The following RBMS3 variants were observed in gnomAD, a reference collection of about 807,000 sequenced individuals.
RBMS3 encodes the protein RNA-binding motif, single-stranded-interacting protein 3.
RBMS3 carries 27 observed loss-of-function variants against 66.8 expected under a neutral mutation model. The observed-to-expected ratio is 0.40, with a 90% CI of 0.30 to 0.56. The LOEUF is 0.56. Ranked by LOEUF, RBMS3 falls within the 20% of genes least tolerant of loss-of-function variation. The pLI is 0.40. For synonymous variants in RBMS3, 188 were observed against 183.0 expected (o/e 1.03, Z -0.22); for missense variants, 513 against 549.5 (o/e 0.93, Z 0.66).
At chr3:29,865,567 G>T (rs892432814) in intron 6 of RBMS3, among the ~76,000 whole-genome samples, 2 of 152,152 alleles carry the variant, frequency 1.3e-5, no homozygotes, top group Non-Finnish European at 2.9e-5. Context: ...AAGCAAGTTG[G>T]TCTCTTTTTA....
At chr3:29,926,486 A>G (rs920415711) in intron 10 of RBMS3, among the ~76,000 whole-genome samples, 5 of 152,212 alleles carry the variant, frequency 3.3e-5, no homozygotes, top group African/African-American at 7.2e-5. Flanking sequence ...GCCATAAGTA[A>G]GATAACAGGC....
At chr3:29,447,581 A>G (rs1010328139) in intron 2 of RBMS3, among the ~76,000 whole-genome samples, 2 of 152,216 alleles carry the variant, frequency 1.3e-5, no homozygotes, top group Admixed American at 1.3e-4. Flanking sequence ...TTTCTTGAAT[A>G]GTAAAGATAG....
chr3:29,656,274 T>C (rs1452688587), intron 4 of RBMS3, among the ~76,000 whole-genome samples: 3 of 152,232 alleles, frequency 2.0e-5, no homozygotes, highest in African/African-American at 7.2e-5. Flanking sequence ...TCCATTCATG[T>C]ACATCATTTC....
At position 29,625,708 on chromosome 3, in the gene RBMS3, A is replaced by G. The variant is rs62237673; in HGVS notation, c.399+38503A>G. On this transcript the variant is annotated intron_variant, in intron 4 of 14. Transcript: ENST00000383767. ...AGTGAAACGCCATTAAAGTAAATAA[A>G]TAAATAAATAAATAAATAAATAAAT... is the stretch of plus-strand genomic sequence containing the variant. Among the ~76,000 whole-genome samples the G allele has an allele frequency of 8.9e-3, 1,138 of 127,264 alleles. 29 individuals are homozygous for G. Among genetic ancestry groups the G allele is most frequent in the East Asian group, 0.065 (166 of 2,560 alleles). The allele number at this position is 127,264 out of a possible 152,430, so 83.5% of individuals were successfully genotyped here. A position where few individuals can be genotyped will look rare whatever the true frequency, so the allele number is the denominator to read the frequency against.
intron 6 of RBMS3, among the ~76,000 whole-genome samples, chr3:29,859,856 A>G (rs538221706): frequency 2.0e-5 from 3 of 152,178 alleles, no homozygotes; most frequent in Admixed American, 6.5e-5. Flanking sequence ...CTAGAAATAC[A>G]TACATACATA....
chr3:29,386,121 G>A (rs1336124272), intron 1 of RBMS3, among the ~76,000 whole-genome samples: 4 of 151,760 alleles, frequency 2.6e-5, no homozygotes, highest in Non-Finnish European at 4.4e-5. Flanking sequence ...CCTAATTATG[G>A]TATATCCAAT....
At chr3:29,325,830 C>G (rs1268829011) in intron 1 of RBMS3, among the ~76,000 whole-genome samples, 1 of 152,016 alleles carries the variant, frequency 6.6e-6, no homozygotes, top group Admixed American at 6.6e-5. Context: ...CCTAATCTTT[C>G]CTTGTCTTAA....
rs545525212 is a variant in RBMS3, at chr3:29,423,731, G to A, written c.76-11012G>A. ...TTTCAGCATTTGAAATGTAACTAGCGCAACTGAAGAAATACATTTTTAAAT... is the reference window on the plus strand; with the variant it reads ...TTTCAGCATTTGAAATGTAACTAGCACAACTGAAGAAATACATTTTTAAAT... On this transcript the variant is annotated intron_variant, in intron 1 of 14. Transcript: ENST00000383767. Among the ~76,000 whole-genome samples, 7 of 152,218 alleles carry A rather than the reference G, an allele frequency of 4.6e-5. No homozygotes were observed. The East Asian group carries it at 5.8e-4, about 13-fold the overall frequency.
At chr3:29,367,026 A>G (rs2125593446) in intron 1 of RBMS3, among the ~76,000 whole-genome samples, 1 of 152,274 alleles carries the variant, frequency 6.6e-6, no homozygotes, top group East Asian at 1.9e-4. Context: ...TAACACATGG[A>G]AGAACTAAAA....
chr3:29,721,123 T>C (rs1449639181), intron 4 of RBMS3, among the ~76,000 whole-genome samples: 1 of 152,208 alleles, frequency 6.6e-6, no homozygotes, highest in Non-Finnish European at 1.5e-5. Context: ...TTATCTATGA[T>C]ACTAAATTAA....
At chr3:29,286,930 C>T (rs1196799349) in intron 1 of RBMS3, among the ~76,000 whole-genome samples, 3 of 152,068 alleles carry the variant, frequency 2.0e-5, no homozygotes, top group Admixed American at 2.0e-4. Flanking sequence ...TCAAGTACTA[C>T]ATTGAAATTG....
intron 12 of RBMS3, among the ~76,000 whole-genome samples, chr3:29,951,660 T>C (rs1294674388): frequency 2.0e-5 from 3 of 151,892 alleles, no homozygotes; most frequent in South Asian, 2.1e-4. Context: ...ATTAATCTTA[T>C]ATTTGCTATG....
chr3:29,800,711 T>A (rs1387528487), intron 6 of RBMS3, among the ~76,000 whole-genome samples: 1 of 152,144 alleles, frequency 6.6e-6, no homozygotes, highest in Non-Finnish European at 1.5e-5. Flanking sequence ...ATAGTGCACT[T>A]TTTTTGGAAA....
At chr3:29,935,961 T>TAGCCTTTTTAGTAAAAAAAAGTAA (rs2061255287) in intron 10 of RBMS3, 125 bp from the exon 11 acceptor site, 5 of 752,924 alleles carry the variant, frequency 6.6e-6, no homozygotes, top group Non-Finnish European at 8.6e-6. Context: ...CAGTTGAATT[T>TAGCCTTTTTAGTAAAAAAAAGTAA]AGCCTTTTTA....
At chr3:29,712,253 T>A (rs1005135007) in intron 4 of RBMS3, among the ~76,000 whole-genome samples, 1 of 152,124 alleles carries the variant, frequency 6.6e-6, no homozygotes, top group African/African-American at 2.4e-5. Context: ...TCTGGTTATA[T>A]CTGTGAGGGT....
At chr3:29,972,567 T>A (rs2034441) in intron 12 of RBMS3, among the ~76,000 whole-genome samples, 46,257 of 151,714 alleles carry the variant, frequency 0.3, 8,073 homozygotes, top group African/African-American at 0.48. Context: ...ATCTCTTGAC[T>A]AAAAAAACAG....
chr3:29,312,210 G>A (rs934240288), intron 1 of RBMS3, among the ~76,000 whole-genome samples: 1 of 151,774 alleles, frequency 6.6e-6, no homozygotes. Flanking sequence ...CTAATACTGG[G>A]GTTACATTCT....
chr3:29,320,723 A>G (rs2034957228), intron 1 of RBMS3, among the ~76,000 whole-genome samples: 1 of 152,058 alleles, frequency 6.6e-6, no homozygotes, highest in African/African-American at 2.4e-5. Context: ...TAAAAAAGCT[A>G]TTATTTTTAG....
At chr3:29,359,801 C>T (rs2037455396) in intron 1 of RBMS3, among the ~76,000 whole-genome samples, 1 of 152,106 alleles carries the variant, frequency 6.6e-6, no homozygotes, top group Non-Finnish European at 1.5e-5. Flanking sequence ...AGGAATTTAT[C>T]CATTTCTTCT....
Sources: allele counts gnomAD v4.1 joint callset (sites outside exome capture counted in the v4.1 genomes callset), GRCh38; gene constraint gnomAD v4.1.1; transcripts MANE v1.5; gene names NCBI Gene and HGNC (gene_info 2026-07-23, HGNC 2026-07-21).